Variants in PARVA observed in about 807,000 individuals in gnomAD.
PARVA encodes the protein alpha-parvin.
Under a neutral mutation model 52.6 loss-of-function variants are expected in PARVA, and 25 were observed. The observed-to-expected ratio is 0.48, with a 90% CI of 0.35 to 0.66. The LOEUF is 0.66. PARVA is among the 30% of genes least tolerant of loss of function. PARVA has a pLI of 0.01. For synonymous variants in PARVA, 185 were observed against 179.1 expected (o/e 1.03, Z -0.26); for missense variants, 373 against 450.9 (o/e 0.83, Z 1.56).
intron 4 of PARVA, among the ~76,000 whole-genome samples, chr11:12,483,872 C>T (rs961893491): frequency 2.0e-5 from 3 of 152,228 alleles, no homozygotes; most frequent in African/African-American, 7.2e-5. Context: ...CTAGCCCTTT[C>T]CAAACCTCAG....
intron 4 of PARVA, among the ~76,000 whole-genome samples, chr11:12,482,625 C>CAAA (rs35722013): frequency 1.5e-5 from 2 of 133,146 alleles, no homozygotes; most frequent in African/African-American, 2.9e-5. Context: ...GTCTCCATCT[C>CAAA]AAAAAAAAAA....
At chr11:12,426,041 G>C (rs1448729735) in intron 1 of PARVA, among the ~76,000 whole-genome samples, 1 of 146,674 alleles carries the variant, frequency 6.8e-6, no homozygotes, top group Non-Finnish European at 1.5e-5. Flanking sequence ...GCCAGGTGTT[G>C]GGGAGACAGG....
intron 7 of PARVA, among the ~76,000 whole-genome samples, chr11:12,510,122 C>A (rs1417444445): frequency 1.3e-5 from 2 of 152,162 alleles, no homozygotes; most frequent in African/African-American, 4.8e-5. Context: ...ACTTTCCTAT[C>A]TATTGATATT....
At chr11:12,454,379 A>C (rs1229297997) in intron 1 of PARVA, among the ~76,000 whole-genome samples, 1 of 152,198 alleles carries the variant, frequency 6.6e-6, no homozygotes, top group East Asian at 1.9e-4. Context: ...ATAGACTTTC[A>C]TTATGGATTT....
chr11:12,415,471 C>T (rs909865028), intron 1 of PARVA, among the ~76,000 whole-genome samples: 1 of 136,792 alleles, frequency 7.3e-6, no homozygotes. Context: ...ACATGTGCTT[C>T]AATAACCAGG....
intron 1 of PARVA, among the ~76,000 whole-genome samples, chr11:12,391,258 C>G (rs896458034): frequency 6.6e-6 from 1 of 152,156 alleles, no homozygotes; most frequent in African/African-American, 2.4e-5. Context: ...CTGAGACATT[C>G]TGCTGTGGAG....
intron 4 of PARVA, among the ~76,000 whole-genome samples, chr11:12,492,347 A>G (rs541709795): frequency 1.3e-5 from 2 of 152,332 alleles, no homozygotes; most frequent in South Asian, 4.1e-4. Flanking sequence ...CATGCCTAAT[A>G]CTTATGAAGA....
chr11:12,497,038 C>G (rs2135060425), intron 5 of PARVA, among the ~76,000 whole-genome samples: 1 of 152,278 alleles, frequency 6.6e-6, no homozygotes, highest in East Asian at 1.9e-4. Flanking sequence ...TCCAATCCCC[C>G]TTCATTTTCT....
chr11:12,451,256 G>A (rs1318842227), intron 1 of PARVA, among the ~76,000 whole-genome samples: 1 of 152,100 alleles, frequency 6.6e-6, no homozygotes, highest in African/African-American at 2.4e-5. Flanking sequence ...GTTTCTCCTG[G>A]GGCTTGTCAA....
chr11:12,451,563 GTATAA>G (rs1227252433), intron 1 of PARVA, among the ~76,000 whole-genome samples: 17 of 152,014 alleles, frequency 1.1e-4, no homozygotes, highest in African/African-American at 3.9e-4. Context: ...TTCTGGGGAG[GTATAA>G]TATGATTATG....
Position 12,413,646 on chromosome 11 carries a change from C to T in PARVA, c.136+35863C>T, listed in dbSNP as rs112282678. On this transcript the variant is annotated intron_variant, in intron 1 of 12. Transcript: ENST00000334956. The stretch of plus-strand genomic sequence containing the variant: ...GGGTTTTGACCCAGCTGCACATGAT[C>T]TTACGTGCACCTCTCCTCTGCTTTA... Among the ~76,000 whole-genome samples the T allele has an allele frequency of 2.2e-3, 342 of 152,352 alleles. 1 individual carries two copies. The highest frequency in any genetic ancestry group is 8.0e-3 in the African/African-American group (332 of 41,586).
At chr11:12,397,389 C>T (rs1357050852) in intron 1 of PARVA, among the ~76,000 whole-genome samples, 1 of 152,212 alleles carries the variant, frequency 6.6e-6, no homozygotes, top group Non-Finnish European at 1.5e-5. Flanking sequence ...TTTTGCTACT[C>T]TGAACAATGC....
chr11:12,425,619 A>G (rs1163777560), intron 1 of PARVA, among the ~76,000 whole-genome samples: 2 of 152,040 alleles, frequency 1.3e-5, no homozygotes, highest in South Asian at 2.1e-4. Context: ...GTGTGCCTTC[A>G]TCTTGGCAAA....
In PARVA at chr11:12,391,243, T is replaced by C. The variant is rs574145980; in HGVS notation, c.136+13460T>C. Among the ~76,000 whole-genome samples, 6 of 152,304 alleles carry C rather than the reference T, an allele frequency of 3.9e-5. No homozygotes were observed. The South Asian group carries it at 1.2e-3, about 32-fold the overall frequency. On this transcript the variant is annotated intron_variant, in intron 1 of 12. Transcript: ENST00000334956. ...GCACAATTGGGACCTGACGCTTCAA[T>C]AAATCTGAGACATTCTGCTGTGGAG...
intron 1 of PARVA, among the ~76,000 whole-genome samples, chr11:12,443,258 G>A (rs545139704): frequency 9.4e-5 from 13 of 138,588 alleles, no homozygotes; most frequent in Non-Finnish European, 1.5e-4. Flanking sequence ...TGCAACCTTC[G>A]CATCCCGGGT....
At chr11:12,428,751 G>A (rs1258436016) in intron 1 of PARVA, among the ~76,000 whole-genome samples, 1 of 152,144 alleles carries the variant, frequency 6.6e-6, no homozygotes, top group Non-Finnish European at 1.5e-5. Context: ...CTCACCCCAC[G>A]CAGGCACCTT....
intron 1 of PARVA, among the ~76,000 whole-genome samples, chr11:12,454,059 C>G (rs1940660717): frequency 6.6e-6 from 1 of 152,182 alleles, no homozygotes; most frequent in South Asian, 2.1e-4. Flanking sequence ...CCAGAGAAGA[C>G]AGTAACTTGG....
chr11:12,500,774 GA>G (rs1166549156), intron 5 of PARVA, among the ~76,000 whole-genome samples: 2 of 149,614 alleles, frequency 1.3e-5, no homozygotes, highest in South Asian at 2.1e-4. Context: ...CTGGGTGACA[GA>G]GTGAGACTCC....
At chr11:12,449,586 G>A (rs914128851) in intron 1 of PARVA, among the ~76,000 whole-genome samples, 1 of 152,126 alleles carries the variant, frequency 6.6e-6, no homozygotes, top group Admixed American at 6.5e-5. Context: ...TTCTAGCTCC[G>A]CATTCTTCTT....
Sources: allele counts gnomAD v4.1 joint callset (sites outside exome capture counted in the v4.1 genomes callset), GRCh38; gene constraint gnomAD v4.1.1; transcripts MANE v1.5; gene names NCBI Gene and HGNC (gene_info 2026-07-23, HGNC 2026-07-21).